Variants in PTPRN2 observed in about 807,000 individuals in gnomAD.
The protein encoded by PTPRN2 is protein tyrosine phosphatase receptor type N2.
Under a neutral mutation model 118.8 loss-of-function variants are expected in PTPRN2, and 74 were observed. The observed-to-expected ratio is 0.62, with a 90% CI of 0.52 to 0.76. PTPRN2 has a LOEUF of 0.76. Among genes scored for constraint, PTPRN2 ranks in the 30% least tolerant of loss-of-function variants. The pLI is 0.00. For synonymous variants in PTPRN2, 641 were observed against 608.0 expected, an observed-to-expected ratio of 1.05 and a Z score of -0.80; for missense variants, 1,481 against 1,394.4, an observed-to-expected ratio of 1.06 and a Z score of -0.99.
chr7:157,863,280 G>A (rs1810380346), intron 12 of PTPRN2: 2 of 152,224 alleles, frequency 1.3e-5, no homozygotes, highest in African/African-American at 2.4e-5. Context: ...GCACCCTCTC[G>A]GCCTGCTGTG....
chr7:158,408,431 G>A (rs1242222534), intron 2 of PTPRN2, among the ~76,000 whole-genome samples: 4 of 152,204 alleles, frequency 2.6e-5, no homozygotes, highest in Non-Finnish European at 5.9e-5. Context: ...GAGAAGAAGA[G>A]GAAGAAGAAG....
chr7:157,548,845 G>T, intron 22 of PTPRN2, 101 bp downstream of exon 22: 1 of 1,158,054 alleles, frequency 8.6e-7, no homozygotes, highest in Non-Finnish European at 1.3e-6. Context: ...ATCGGTGTGC[G>T]GCTCACATTA....
intron 1 of PTPRN2, among the ~76,000 whole-genome samples, chr7:158,573,997 A>G (rs572744512): frequency 6.6e-6 from 1 of 152,360 alleles, no homozygotes; most frequent in East Asian, 1.9e-4. Flanking sequence ...TGTTAATAAG[A>G]CAAATACAAG....
At chr7:157,652,857 C>T (rs1012067598) in intron 14 of PTPRN2, among the ~76,000 whole-genome samples, 6 of 152,248 alleles carry the variant, frequency 3.9e-5, no homozygotes, top group African/African-American at 9.6e-5. Flanking sequence ...ATGGAGTGCT[C>T]ATTTCTAGAG....
intron 5 of PTPRN2, among the ~76,000 whole-genome samples, chr7:158,171,532 G>C (rs1330174543): frequency 1.3e-5 from 2 of 151,670 alleles, no homozygotes; most frequent in Non-Finnish European, 1.5e-5. Flanking sequence ...TGCATTTTTA[G>C]TAGAGATGGG....
Position 157,836,259 on chromosome 7 carries a change from T to C in PTPRN2, c.1788+62414A>G, listed in dbSNP as rs113481213. Among the ~76,000 whole-genome samples, 68 of 152,382 alleles carry C rather than the reference T, an allele frequency of 4.5e-4. 1 individual carries two copies. Among genetic ancestry groups the C allele is most frequent in the African/African-American group, 1.6e-3 (68 of 41,600 alleles). On this transcript the variant is annotated intron_variant, in intron 12 of 22. Transcript: ENST00000389418. Reference sequence around the variant, plus strand: ...CCCTTGGTGTTAAGTGAGTGGATGATGGCAGGTTTATTGGACTTGCCAGAT... The same window carrying C: ...CCCTTGGTGTTAAGTGAGTGGATGACGGCAGGTTTATTGGACTTGCCAGAT...
chr7:158,256,025 C>T (rs879633290), intron 3 of PTPRN2, among the ~76,000 whole-genome samples: 6 of 152,196 alleles, frequency 3.9e-5, no homozygotes, highest in South Asian at 4.1e-4. Flanking sequence ...AGCTTCTCAG[C>T]GGGTTTGATT....
intron 9 of PTPRN2, among the ~76,000 whole-genome samples, chr7:158,130,592 C>T (rs79649117): frequency 0.3 from 45,623 of 151,036 alleles, 7,230 homozygotes; most frequent in South Asian, 0.43. Context: ...TATGCACAAA[C>T]CAATACACAT....
chr7:158,491,959 GCA>G (rs1395791262), intron 1 of PTPRN2, among the ~76,000 whole-genome samples: 1 of 152,192 alleles, frequency 6.6e-6, no homozygotes, highest in African/African-American at 2.4e-5. Context: ...CACTTGAACA[GCA>G]GGAGGAGAGG....
At chr7:158,285,812 C>T (rs577316446) in intron 3 of PTPRN2, among the ~76,000 whole-genome samples, 1 of 152,190 alleles carries the variant, frequency 6.6e-6, no homozygotes, top group South Asian at 2.1e-4. Flanking sequence ...AGGTGACAAC[C>T]CCATTCGCCT....
intron 12 of PTPRN2, among the ~76,000 whole-genome samples, chr7:157,747,412 C>T (rs1443304172): frequency 6.1e-4 from 65 of 105,720 alleles, no homozygotes; most frequent in Middle Eastern, 6.1e-3. Context: ...CTGAGGCCTG[C>T]GTCCCTGAGC....
At chr7:158,385,625 C>A (rs1811272496) in intron 2 of PTPRN2, among the ~76,000 whole-genome samples, 1 of 152,100 alleles carries the variant, frequency 6.6e-6, no homozygotes, top group Non-Finnish European at 1.5e-5. Flanking sequence ...ACAATTTTTC[C>A]CTTTTAATGG....
intron 11 of PTPRN2, among the ~76,000 whole-genome samples, chr7:158,027,182 G>A (rs924714978): frequency 6.6e-6 from 1 of 152,180 alleles, no homozygotes; most frequent in East Asian, 1.9e-4. Flanking sequence ...CACATGCCTA[G>A]GCCAGGCCCT....
intron 11 of PTPRN2, among the ~76,000 whole-genome samples, chr7:157,999,938 G>A (rs1268098451): frequency 6.6e-6 from 1 of 151,806 alleles, no homozygotes; most frequent in Non-Finnish European, 1.5e-5. Context: ...CCAGGCTGGA[G>A]TGCAATGGCA....
chr7:158,146,657 C>A (rs1376206928), intron 6 of PTPRN2, among the ~76,000 whole-genome samples: 1 of 146,752 alleles, frequency 6.8e-6, no homozygotes, highest in Non-Finnish European at 1.5e-5. Flanking sequence ...GGAGGCGGAG[C>A]TAGTAGTGAG....
intron 11 of PTPRN2, among the ~76,000 whole-genome samples, chr7:158,013,204 G>A (rs1308747737): frequency 6.6e-6 from 1 of 152,204 alleles, no homozygotes; most frequent in South Asian, 2.1e-4. Flanking sequence ...GGGAGATACT[G>A]GGTTCCTTGA....
chr7:158,196,983 T>C (rs1195020989), intron 4 of PTPRN2, among the ~76,000 whole-genome samples: 3 of 152,142 alleles, frequency 2.0e-5, no homozygotes, highest in African/African-American at 7.2e-5. Context: ...AGGAGGTAGA[T>C]ATGAGTCAAG....
At chr7:158,389,046 G>A (rs1024298707) in intron 2 of PTPRN2, among the ~76,000 whole-genome samples, 8 of 152,230 alleles carry the variant, frequency 5.3e-5, no homozygotes, top group Non-Finnish European at 1.2e-4. Flanking sequence ...ACGTGAGGCG[G>A]GCCCCTGGAA....
intron 12 of PTPRN2, among the ~76,000 whole-genome samples, chr7:157,895,161 A>G (rs187850113): frequency 4.6e-5 from 7 of 150,960 alleles, no homozygotes; most frequent in East Asian, 2.0e-4. Context: ...AGAGGGTCTG[A>G]ACAAGACCAT....
Sources: allele counts gnomAD v4.1 joint callset (sites outside exome capture counted in the v4.1 genomes callset), GRCh38; gene constraint gnomAD v4.1.1; transcripts MANE v1.5; gene names NCBI Gene and HGNC (gene_info 2026-07-23, HGNC 2026-07-21).